The following NAIP variants were observed in gnomAD, a reference collection of about 807,000 sequenced individuals.
NAIP encodes NLR family apoptosis inhibitory protein, also known as baculoviral IAP repeat-containing protein 1.
NAIP carries 15 observed loss-of-function variants against 23.0 expected under a neutral mutation model. The observed-to-expected ratio is 0.65, with a 90% CI of 0.44 to 1.00. The LOEUF (loss-of-function observed/expected upper bound fraction) is 1.00. NAIP is among the 50% of genes least tolerant of loss of function. The pLI, the probability that NAIP is intolerant of heterozygous loss-of-function variation, is 0.00. For missense variants in NAIP, 265 were observed against 278.8 expected, an observed-to-expected ratio of 0.95 and a Z score of 0.35; for synonymous variants, 100 against 100.2, an observed-to-expected ratio of 1.00 and a Z score of 0.01.
rs890569795 is a variant in NAIP at position 71,010,846 on chromosome 5, T to C, written c.668+429A>G. 2.6e-5 allele frequency among the ~76,000 whole-genome samples: 4 copies of C among 151,582 alleles called. No homozygotes were observed. The South Asian group carries it at 8.3e-4, about 32-fold the overall frequency. On this transcript the variant is annotated intron_variant, in intron 5 of 16. Coordinates refer to ENST00000517649, the MANE Select transcript of NAIP (RefSeq NM_004536.3). ...AGGCCTTTCCTGCTTGAATAAATCC[T>C]GGAGTGGTCCAATTTTGAATAGGGA...
intron 3 of NAIP, among the ~76,000 whole-genome samples, chr5:71,014,504 G>T (rs1273990694): frequency 6.6e-6 from 1 of 151,634 alleles, no homozygotes; most frequent in Admixed American, 6.6e-5. Context: ...ATTTTAGCCA[G>T]TTAATCATCC....
At chr5:70,979,586 AT>A (rs776823450) in intron 13 of NAIP, among the ~76,000 whole-genome samples, 10,633 of 34,328 alleles carry the variant, frequency 0.31, 3,010 homozygotes, top group South Asian at 0.46. Context: ...AAAAAAAAAA[AT>A]AATAATAATA....
At chr5:71,002,318 C>T (rs154426) in intron 6 of NAIP, among the ~76,000 whole-genome samples, 175 bp from the exon 7 acceptor site, 1,435 of 92,788 alleles carry the variant, frequency 0.015, no homozygotes, top group Non-Finnish European at 0.02. Flanking sequence ...GCCTCCCGAG[C>T]AGTACAGGCA....
intron 3 of NAIP, among the ~76,000 whole-genome samples, chr5:71,013,596 C>A (rs1191282920): frequency 5.5e-5 from 8 of 146,500 alleles, no homozygotes; most frequent in African/African-American, 2.0e-4. Flanking sequence ...GCCGAGATCG[C>A]GCCACGGTAC....
chr5:71,012,992 G>C, intron 3 of NAIP, 74 bp from the exon 4 acceptor site: 1 of 1,287,354 alleles, frequency 7.8e-7, no homozygotes, highest in Non-Finnish European at 1.1e-6. Context: ...CACTGTTTCC[G>C]AAGAAACCAG....
chr5:71,011,314 C>A lies in NAIP; in HGVS notation c.629G>T (p.Gly210Val). ...GGCATGTTCCTTCCAAGGATCATCTCCTTCTTCCCAATTTCCTAAACATCC... is the reference window on the plus strand; with the variant it reads ...GGCATGTTCCTTCCAAGGATCATCTACTTCTTCCCAATTTCCTAAACATCC... ...CGGCLGNWEE[G>V]DDPWKEHAKW... Residue 210 changes from glycine to valine, a missense_variant, in exon 5 of 17, where the codon GGA becomes GTA. Physicochemically the swap from Gly to Val is moderately radical, Grantham distance 109. Transcript: ENST00000517649. 6.2e-7 allele frequency: 1 copy of A among 1,607,304 alleles called. No homozygotes were observed. The highest frequency in any genetic ancestry group is 8.5e-7 in the Non-Finnish European group (1 of 1,176,054).
intron 5 of NAIP, among the ~76,000 whole-genome samples, chr5:71,010,158 A>C (rs1751080663): frequency 6.6e-6 from 1 of 151,550 alleles, no homozygotes. Context: ...CCCAGGCTGG[A>C]GCACAGTGGC....
At position 71,012,790 on chromosome 5, in the gene NAIP, C is replaced by A. The variant is rs1338025724; in HGVS notation, c.126G>T (p.Glu42Asp). ...VQLAKELEEE[E>D]QKERAKMQKG... ...TCTGCATTTTTGCTCGCTCCTTCTG[C>A]TCCTCTTCTTCTAGTTCCTTTGCCA... is the stretch of plus-strand genomic sequence containing the variant. The change falls in exon 4 of 17, where the codon GAG (glutamate) becomes GAT (aspartate). Residue 42 changes from glutamate to aspartate, a missense_variant. This residue lies in a region of NAIP where 261 missense variants were observed against 259.2 expected (regional missense o/e 1.01). Coordinates refer to ENST00000517649, the MANE Select transcript of NAIP (RefSeq NM_004536.3). 6.2e-7 allele frequency: 1 copy of A among 1,612,022 alleles called. No individual in the cohort carries two copies. The highest frequency in any genetic ancestry group is 1.7e-5 in the Admixed American group (1 of 59,906).
At chr5:71,011,601 C>T (rs1026526503) in intron 4 of NAIP, 4 of 548,098 alleles carry the variant, frequency 7.3e-6, no homozygotes, top group Non-Finnish European at 1.3e-5. Flanking sequence ...TATCCTGCCC[C>T]AGCTGCCCCC....
chr5:71,012,716 A>G lies in NAIP; in HGVS notation c.200T>C (p.Phe67Ser), dbSNP rs1751220792. ...MRSEAKRLKTFVTYEPYSSWI... is the reference protein window; with the variant it reads ...MRSEAKRLKTSVTYEPYSSWI... ...TGAGCTGTACGGCTCATAAGTCACA[A>G]AAGTCTTTAACCTTTTTGCTTCACT... Residue 67 changes from phenylalanine (F) to serine (S), a missense_variant, in exon 4 of 17, where the codon TTT becomes TCT. By Grantham distance (155) the Phe-to-Ser change is radical. Transcript: ENST00000517649. 6.2e-7 allele frequency: 1 copy of G among 1,611,652 alleles called. No homozygotes were observed. The highest frequency in any genetic ancestry group is 1.7e-5 in the Admixed American group (1 of 59,852).
intron 5 of NAIP, among the ~76,000 whole-genome samples, chr5:71,009,346 G>C (rs1439581254): frequency 8.8e-6 from 1 of 113,802 alleles, no homozygotes; most frequent in East Asian, 2.9e-4. Flanking sequence ...CTGGGCAACA[G>C]AGCAAAACTC....
intron 4 of NAIP, chr5:71,011,916 T>A (rs961862667): frequency 3.9e-6 from 1 of 259,020 alleles, no homozygotes; most frequent in African/African-American, 2.2e-5. Flanking sequence ...TTATATATCA[T>A]AACCCCTATG....
In NAIP at chr5:71,012,425, G is replaced by GC. The variant is rs746203156; in HGVS notation, c.490dup (p.Ala164GlyfsTer28). On this transcript the variant is annotated frameshift_variant, in exon 4 of 17. Coordinates refer to ENST00000517649, the MANE Select transcript of NAIP (RefSeq NM_004536.3). LOFTEE classifies it high-confidence loss of function. The stretch of plus-strand genomic sequence containing the variant: ...ATAAAATGGCCAGTTCCTGAAGGAC[G>GC]CAAGTCTAGCCTCCTCTTCTTGGTA... The GC allele has an allele frequency of 6.2e-7, 1 of 1,611,518 alleles. No individual in the cohort carries two copies. The highest frequency in any genetic ancestry group is 1.3e-5 in the African/African-American group (1 of 74,702).
chr5:71,000,545 A>T (rs184213941), intron 8 of NAIP, among the ~76,000 whole-genome samples: 23,511 of 107,704 alleles, frequency 0.22, 1,357 homozygotes, highest in South Asian at 0.28. Flanking sequence ...TAATAATAAT[A>T]ATTATTATTA....
chr5:71,012,650 G>T lies in NAIP; in HGVS notation c.266C>A (p.Thr89Asn). Reference sequence around the variant, plus strand: ...GCACTGAATCCCAGATTTTACCCCAGTGAAGTAAAACCCAGCGGCCGCCAT... The same window carrying T: ...GCACTGAATCCCAGATTTTACCCCATTGAAGTAAAACCCAGCGGCCGCCAT... ...QEMAAAGFYF[T>N]GVKSGIQCFC... The change falls in exon 4 of 17, where the codon ACT becomes AAT. Residue 89 changes from threonine (T) to asparagine (N), a missense_variant. By Grantham distance (65) the Thr-to-Asn change is moderately conservative. Coordinates refer to ENST00000517649, the MANE Select transcript of NAIP (RefSeq NM_004536.3). 2 of 1,611,970 alleles carry T rather than the reference G, an allele frequency of 1.2e-6. No homozygotes were observed. The highest frequency in any genetic ancestry group is 1.7e-6 in the Non-Finnish European group (2 of 1,178,494).
rs373553353 is a variant in NAIP at position 71,011,382 on chromosome 5, T to C, written c.569-8A>G. 3 of 1,579,958 alleles carry C rather than the reference T, an allele frequency of 1.9e-6. No individual in the cohort carries two copies. The highest frequency in any genetic ancestry group is 2.6e-6 in the Non-Finnish European group (3 of 1,157,486). Reference sequence around the variant, plus strand: ...GTACCGTGTCCTGTTTACCTATATATGAAGGAAAATATTTAGATTGCCTGG... The same window carrying C: ...GTACCGTGTCCTGTTTACCTATATACGAAGGAAAATATTTAGATTGCCTGG... On this transcript the variant is annotated splice_region_variant and splice_polypyrimidine_tract_variant and intron_variant, in intron 4 of 16. Coordinates refer to ENST00000517649, the MANE Select transcript of NAIP (RefSeq NM_004536.3).
chr5:71,010,568 A>G (rs542565618), intron 5 of NAIP, among the ~76,000 whole-genome samples: 9 of 150,348 alleles, frequency 6.0e-5, no homozygotes, highest in Non-Finnish European at 1.2e-4. Flanking sequence ...CGCCTGGCCA[A>G]TTTTTTTTAT....
At position 71,011,711 on chromosome 5, in the gene NAIP, C is replaced by T. The variant is rs149371964; in HGVS notation, c.569-337G>A. ...AAGTAACGTGCAATTAGAAAACCTACGTTTTAGCCTTGCCATGACATTTCG... is the reference window on the plus strand; with the variant it reads ...AAGTAACGTGCAATTAGAAAACCTATGTTTTAGCCTTGCCATGACATTTCG... On this transcript the variant is annotated intron_variant, in intron 4 of 16. Transcript: ENST00000517649. 1,646 of 447,670 alleles carry T rather than the reference C, an allele frequency of 3.7e-3. 43 individuals are homozygous for T. The highest frequency in any genetic ancestry group is 4.8e-3 in the Non-Finnish European group (1,127 of 235,812). The allele number at this position is 447,670 out of a possible 1,614,324, so 27.7% of individuals were successfully genotyped here.
intron 3 of NAIP, among the ~76,000 whole-genome samples, chr5:71,013,750 C>G (rs760474925): frequency 1.5e-4 from 23 of 151,302 alleles, no homozygotes; most frequent in Non-Finnish European, 2.7e-4. Context: ...TCCCCATGAC[C>G]ATCCCTGAGG....
Sources: allele counts gnomAD v4.1 joint callset (sites outside exome capture counted in the v4.1 genomes callset), GRCh38; gene constraint gnomAD v4.1.1; regional missense constraint gnomAD v4.1.1; transcripts MANE v1.5; gene names NCBI Gene and HGNC (gene_info 2026-07-23, HGNC 2026-07-21).